KLHL1: variants seen among roughly 807,000 people sequenced by gnomAD.
KLHL1 encodes kelch-like protein 1.
Under a neutral mutation model 77.7 loss-of-function variants are expected in KLHL1, and 47 were observed. The ratio of observed to expected loss-of-function variants is 0.60; its 90% CI spans 0.48 to 0.77. The LOEUF (loss-of-function observed/expected upper bound fraction) is 0.77, where lower values mean the gene tolerates loss of function less well. KLHL1 is among the 30% of genes least tolerant of loss of function. KLHL1 has a pLI of 0.00. For synonymous variants in KLHL1, 360 were observed against 325.2 expected (o/e 1.11, Z -1.15); for missense variants, 925 against 910.8 (o/e 1.02, Z -0.20).
Position 69,961,314 on chromosome 13 carries a change from A to T in KLHL1, c.811T>A (p.Tyr271Asn), listed in dbSNP as rs1366370589. The T allele has an allele frequency of 1.9e-6, 3 of 1,611,408 alleles. No individual in the cohort carries two copies. The highest frequency in any genetic ancestry group is 2.5e-6 in the Non-Finnish European group (3 of 1,178,246). ...TATAATTATTTTGCCATACCTGTAT[A>T]TGCAAATTGGACAAGGTCCCAGAGA... The part of the protein sequence containing the change: ...NALWDLVQFA[Y>N]TGCLELKEDT... The change falls in exon 3 of 11, where the codon TAT (tyrosine) becomes AAT (asparagine). Residue 271 changes from tyrosine (Y) to asparagine (N), a missense_variant. Physicochemically the swap from Tyr to Asn is moderately radical, Grantham distance 143 (BLOSUM62 -2). Coordinates refer to ENST00000377844, the MANE Select transcript of KLHL1 (RefSeq NM_020866.3).
chr13:70,012,743 T>C (rs930776799), intron 1 of KLHL1, among the ~76,000 whole-genome samples: 1 of 151,940 alleles, frequency 6.6e-6, no homozygotes, highest in Non-Finnish European at 1.5e-5. Context: ...ACCCCGTCTC[T>C]ACTAAAAATA....
intron 1 of KLHL1, among the ~76,000 whole-genome samples, chr13:70,042,146 A>G (rs143591373): frequency 6.6e-6 from 1 of 152,242 alleles, no homozygotes; most frequent in Non-Finnish European, 1.5e-5. Context: ...AGTTTGGGAT[A>G]TATAAGGAAA....
intron 1 of KLHL1, among the ~76,000 whole-genome samples, chr13:70,100,080 C>T (rs1887889357): frequency 1.3e-5 from 2 of 151,948 alleles, no homozygotes; most frequent in South Asian, 4.2e-4. Context: ...AACAAAAAAG[C>T]ATGCAAAGAT....
Position 69,967,095 on chromosome 13 carries a change from T to C in KLHL1, c.681-5651A>G, listed in dbSNP as rs192992052. ...ATACAAGCACAGGTTTTTTGATATA[T>C]TGATTTTGTTTCCTTTGGACAGACA... is the stretch of plus-strand genomic sequence containing the variant. On this transcript the variant is annotated intron_variant, in intron 2 of 10. Coordinates refer to ENST00000377844, the MANE Select transcript of KLHL1 (RefSeq NM_020866.3). Among the ~76,000 whole-genome samples, 8 of 152,298 alleles carry C rather than the reference T, an allele frequency of 5.3e-5. No individual in the cohort carries two copies. The East Asian group carries it at 1.5e-3, about 29-fold the overall frequency.
chr13:70,080,693 T>C (rs1354721274), intron 1 of KLHL1, among the ~76,000 whole-genome samples: 1 of 152,014 alleles, frequency 6.6e-6, no homozygotes, highest in Non-Finnish European at 1.5e-5. Context: ...ACCTCCCGGG[T>C]TCATGCAATT....
At chr13:69,706,470 T>C (rs541396747) in intron 10 of KLHL1, among the ~76,000 whole-genome samples, 4 of 152,064 alleles carry the variant, frequency 2.6e-5, no homozygotes, top group African/African-American at 7.2e-5. Context: ...TCATGTTTCA[T>C]TAAAAGTAAA....
intron 2 of KLHL1, among the ~76,000 whole-genome samples, chr13:69,962,121 C>G (rs768908003): frequency 1.2e-4 from 18 of 151,796 alleles, no homozygotes; most frequent in African/African-American, 1.5e-4. Context: ...ATATCTATCC[C>G]TATATTCAGG....
intron 1 of KLHL1, among the ~76,000 whole-genome samples, chr13:69,990,025 A>G (rs1884984948): frequency 6.6e-6 from 1 of 151,948 alleles, no homozygotes; most frequent in African/African-American, 2.4e-5. Flanking sequence ...CCTATATTCA[A>G]CATTCTTAAA....
chr13:70,055,733 TGA>T (rs769727842), intron 1 of KLHL1, among the ~76,000 whole-genome samples: 11 of 152,044 alleles, frequency 7.2e-5, no homozygotes, highest in Non-Finnish European at 1.3e-4. Context: ...GTTTTCGCAA[TGA>T]GAGTTGTCAT....
chr13:69,750,812 T>C (rs1318085844), intron 7 of KLHL1, among the ~76,000 whole-genome samples: 8 of 152,068 alleles, frequency 5.3e-5, no homozygotes, highest in Non-Finnish European at 8.8e-5. Flanking sequence ...ATATAATTTA[T>C]TTCATTCTTT....
At chr13:69,949,837 C>A (rs79888543) in intron 3 of KLHL1, among the ~76,000 whole-genome samples, 1,562 of 151,380 alleles carry the variant, frequency 0.01, 26 homozygotes, top group African/African-American at 0.035. Flanking sequence ...TTAACAATGA[C>A]ATTTAAATTT....
intron 1 of KLHL1, among the ~76,000 whole-genome samples, chr13:70,084,622 CTTTTTTTTTTTTT>C (rs71116988): frequency 1.3e-4 from 2 of 14,956 alleles, no homozygotes; most frequent in East Asian, 4.5e-3. Flanking sequence ...CCACGCCAGG[CTTTTTTTTTTTTT>C]TTTTTTTTTT....
chr13:69,801,781 G>A (rs566314319), intron 6 of KLHL1, among the ~76,000 whole-genome samples: 87 of 152,198 alleles, frequency 5.7e-4, no homozygotes, highest in South Asian at 1.7e-3. Flanking sequence ...TAAGAGATAG[G>A]TGTGTAGCAT....
intron 7 of KLHL1, among the ~76,000 whole-genome samples, chr13:69,783,165 A>G (rs948797925): frequency 6.6e-6 from 1 of 152,084 alleles, no homozygotes; most frequent in African/African-American, 2.4e-5. Flanking sequence ...CCACAACAAA[A>G]ACCCTTCTGT....
intron 4 of KLHL1, among the ~76,000 whole-genome samples, chr13:69,892,240 G>A (rs1881449723): frequency 6.6e-6 from 1 of 152,128 alleles, no homozygotes; most frequent in Admixed American, 6.6e-5. Context: ...AAAGCCATAT[G>A]TTTTTAACAG....
intron 5 of KLHL1, among the ~76,000 whole-genome samples, chr13:69,875,606 T>C (rs577175065): frequency 2.6e-5 from 4 of 152,288 alleles, no homozygotes; most frequent in Admixed American, 2.0e-4. Flanking sequence ...TTTGTGCATG[T>C]GAATGTCCTT....
chr13:70,073,943 A>C (rs1177612056), intron 1 of KLHL1, among the ~76,000 whole-genome samples: 1 of 151,732 alleles, frequency 6.6e-6, no homozygotes, highest in African/African-American at 2.4e-5. Flanking sequence ...CTCCTGCCTC[A>C]GCCTCCAGAG....
intron 3 of KLHL1, among the ~76,000 whole-genome samples, chr13:69,941,207 C>A (rs1883355978): frequency 6.6e-6 from 1 of 151,876 alleles, no homozygotes; most frequent in African/African-American, 2.4e-5. Context: ...AGACCAGGAA[C>A]AAGTCTCAAT....
intron 5 of KLHL1, among the ~76,000 whole-genome samples, chr13:69,853,108 G>A (rs1566326783): frequency 6.6e-6 from 1 of 151,954 alleles, no homozygotes; most frequent in Non-Finnish European, 1.5e-5. Flanking sequence ...CTAGTTTTCA[G>A]TTGGTTGACT....
Sources: gnomAD v4.1 joint callset for allele counts (sites outside exome capture counted in the v4.1 genomes callset) on GRCh38, gnomAD v4.1.1 for gene constraint, MANE v1.5 for transcripts, NCBI Gene and HGNC (gene_info 2026-07-23, HGNC 2026-07-21) for gene names.